The following TECPR2 variants were observed in gnomAD, a reference collection of about 807,000 sequenced individuals.
TECPR2 encodes tectonin beta-propeller repeat-containing protein 2.
A neutral mutation model predicts 138.1 loss-of-function variants in TECPR2; 65 were observed. That is an observed-to-expected ratio of 0.47 (90% CI 0.39 to 0.58). The LOEUF is 0.58. Ranked by LOEUF, TECPR2 falls within the 20% of genes least tolerant of loss-of-function variation. The pLI, the probability that TECPR2 is intolerant of heterozygous loss-of-function variation, is 0.00. For missense variants in TECPR2, 1,553 were observed against 1,824.5 expected (o/e 0.85, Z 2.71); for synonymous variants, 746 against 749.8 (o/e 0.99, Z 0.08).
intron 5 of TECPR2, 90 bp downstream of exon 5, chr14:102,414,883 A>G: frequency 2.0e-6 from 3 of 1,515,406 alleles, no homozygotes; most frequent in Non-Finnish European, 2.7e-6. Flanking sequence ...TGTTTGCCGG[A>G]GACCTCCTGT....
intron 1 of TECPR2, among the ~76,000 whole-genome samples, chr14:102,372,576 C>G (rs1887533798): frequency 6.6e-6 from 1 of 152,122 alleles, no homozygotes; most frequent in African/African-American, 2.4e-5. Context: ...CTTCTTTGTG[C>G]TTTTCTATAT....
chr14:102,463,440 G>C (rs1476678895), intron 16 of TECPR2, among the ~76,000 whole-genome samples: 175 of 132,098 alleles, frequency 1.3e-3, no homozygotes, highest in Non-Finnish European at 2.3e-3. Context: ...AAAAAAAAAA[G>C]AAAAAAACAA....
At position 102,497,626 on chromosome 14, in the gene TECPR2, A is replaced by G. The variant is rs1302573352; in HGVS notation, c.3988A>G (p.Asn1330Asp). ...CAGGACCGTGTGGGCCCGCTGTCCA[A>G]ACGGAGACCTCGCCCGGCGGTACGG... ...STRTVWARCP[N>D]GDLARRYGVT... Residue 1330 changes from asparagine to aspartate, a missense_variant, in exon 19 of 20, where the codon AAC becomes GAC. Coordinates refer to ENST00000359520, the MANE Select transcript of TECPR2 (RefSeq NM_014844.5). The G allele has an allele frequency of 6.2e-7, 1 of 1,609,754 alleles. No homozygotes were observed. Among genetic ancestry groups the G allele is most frequent in the Non-Finnish European group, 8.5e-7 (1 of 1,178,698 alleles).
At chr14:102,488,208 T>C (rs1170393404) in intron 17 of TECPR2, among the ~76,000 whole-genome samples, 4 of 151,966 alleles carry the variant, frequency 2.6e-5, no homozygotes, top group East Asian at 1.9e-4. Flanking sequence ...CTACTACTTT[T>C]TTTTTGTTTT....
In TECPR2 at chr14:102,420,019, T is replaced by C. The variant is rs1461800014; in HGVS notation, c.639-4960T>C. Among the ~76,000 whole-genome samples, 1 of 152,192 alleles carries C rather than the reference T, an allele frequency of 6.6e-6. No homozygotes were observed. The highest frequency in any genetic ancestry group is 2.4e-5 in the African/African-American group (1 of 41,442). The stretch of plus-strand genomic sequence containing the variant: ...GTTGAGATCTCTGGCAGGGCTTCTG[T>C]GGATCCTTCTTCTCACTCAGCTTAG... On this transcript the variant is annotated intron_variant, in intron 5 of 19. Transcript: ENST00000359520. The surrounding 1 kb of genome is among the most constrained non-coding windows in gnomAD (Gnocchi z 4.1).
chr14:102,491,237 A>C (rs931065033), intron 17 of TECPR2, among the ~76,000 whole-genome samples: 2 of 152,146 alleles, frequency 1.3e-5, no homozygotes, highest in Admixed American at 1.3e-4. Flanking sequence ...TTATTATTAC[A>C]GAGGGTCTTG....
At chr14:102,433,354 C>T (rs1006664240) in intron 8 of TECPR2, among the ~76,000 whole-genome samples, 3 of 151,444 alleles carry the variant, frequency 2.0e-5, no homozygotes, top group Admixed American at 1.3e-4. Flanking sequence ...ATGTTTATGT[C>T]CATGCGTGCT....
chr14:102,480,841 G>GTTTTTTTT lies in TECPR2; in HGVS notation c.3789+15568_3789+15575dup, dbSNP rs71119706. On this transcript the variant is annotated intron_variant, in intron 17 of 19. Coordinates refer to ENST00000359520, the MANE Select transcript of TECPR2 (RefSeq NM_014844.5). ...GGCCAGTTTTGTTTTTTGGTTTTGG[G>GTTTTTTTT]TTTTTTTTTTTTTTTTTTTTTTTGA... 3.6e-4 allele frequency among the ~76,000 whole-genome samples: 27 copies of GTTTTTTTT among 75,206 alleles called. 1 individual carries two copies. The highest frequency in any genetic ancestry group is 6.7e-4 in the South Asian group (1 of 1,492). The allele number at this position is 75,206 out of a possible 152,430, so 49.3% of individuals were successfully genotyped here. A position where few individuals can be genotyped will look rare whatever the true frequency, so the allele number is the denominator to read the frequency against.
intron 17 of TECPR2, among the ~76,000 whole-genome samples, chr14:102,487,904 C>T (rs1338242636): frequency 6.8e-6 from 1 of 147,754 alleles, no homozygotes; most frequent in Non-Finnish European, 1.5e-5. Context: ...TGCAATGGCG[C>T]GATCTCGGCT....
intron 16 of TECPR2, among the ~76,000 whole-genome samples, chr14:102,456,662 T>C (rs1265292356): frequency 6.7e-6 from 1 of 150,116 alleles, no homozygotes. Flanking sequence ...CAATCTCGGC[T>C]CCCTGCAAGC....
chr14:102,483,162 C>T (rs1390607569), intron 17 of TECPR2, among the ~76,000 whole-genome samples: 2 of 152,016 alleles, frequency 1.3e-5, no homozygotes, highest in African/African-American at 4.8e-5. Context: ...AGAAGCCGTT[C>T]TAACACCTGA....
Position 102,420,095 on chromosome 14 carries a change from G to A in TECPR2, c.639-4884G>A, listed in dbSNP as rs1889138398. Among the ~76,000 whole-genome samples, 1 of 152,158 alleles carries A rather than the reference G, an allele frequency of 6.6e-6. No homozygotes were observed. Among genetic ancestry groups the A allele is most frequent in the Non-Finnish European group, 1.5e-5 (1 of 68,030 alleles). ...TGTCAGCTTTCAGCGTATCAGCTCT[G>A]TGGCACCATACATTATGCACAAAAT... On this transcript the variant is annotated intron_variant, in intron 5 of 19. Transcript: ENST00000359520. The surrounding 1 kb of genome is among the most constrained non-coding windows in gnomAD (Gnocchi z 4.1).
intron 2 of TECPR2, among the ~76,000 whole-genome samples, chr14:102,405,548 T>C (rs560725150): frequency 1.6e-4 from 24 of 152,222 alleles, no homozygotes; most frequent in African/African-American, 4.8e-4. Flanking sequence ...ATGTGAGAAA[T>C]GGGAACCCTG....
chr14:102,377,368 C>A lies in TECPR2; in HGVS notation c.219+428C>A, dbSNP rs1887669021. Among the ~76,000 whole-genome samples, 3 of 152,148 alleles carry A rather than the reference C, an allele frequency of 2.0e-5. No homozygotes were observed. In the South Asian group the frequency reaches 6.2e-4, roughly 31 times the overall value. On this transcript the variant is annotated intron_variant, in intron 2 of 19. Coordinates refer to ENST00000359520, the MANE Select transcript of TECPR2 (RefSeq NM_014844.5). ...AGAGACATGGTTTCACTATGTTGCC[C>A]AGGCTGGTCTTGAACTCCTCGGCTC...
Position 102,498,450 on chromosome 14 carries a change from G to T in TECPR2, c.*193G>T. 1 of 745,384 alleles carries T rather than the reference G, an allele frequency of 1.3e-6. No homozygotes were observed. Among genetic ancestry groups the T allele is most frequent in the Admixed American group, 3.0e-5 (1 of 33,724 alleles). The allele number at this position is 745,384 out of a possible 1,614,324, so 46.2% of individuals were successfully genotyped here. ...AACCCACAGCCTCCACCCGTGGCTGGCGTGATTGCTGCAGCAGTGGCGCCT... is the reference window on the plus strand; with the variant it reads ...AACCCACAGCCTCCACCCGTGGCTGTCGTGATTGCTGCAGCAGTGGCGCCT... On this transcript the variant is annotated 3_prime_UTR_variant, in exon 20 of 20. Transcript: ENST00000359520.
chr14:102,457,869 C>CTTTTTTTTTTTTTTTTTTTTTTTTTTT (rs748372168), intron 16 of TECPR2, among the ~76,000 whole-genome samples: 2 of 102,772 alleles, frequency 1.9e-5, no homozygotes, highest in Admixed American at 1.1e-4. Flanking sequence ...ACTAAATTCC[C>CTTTTTTTTTTTTTTTTTTTTTTTTTTT]TTTTTTTTTT....
chr14:102,426,429 A>G (rs893735912), intron 6 of TECPR2, among the ~76,000 whole-genome samples: 1 of 151,556 alleles, frequency 6.6e-6, no homozygotes, highest in Non-Finnish European at 1.5e-5. Flanking sequence ...TCCCTGCCTT[A>G]CCCTCCCGAC....
chr14:102,386,228 G>T (rs1324638212), intron 2 of TECPR2, among the ~76,000 whole-genome samples: 1 of 152,050 alleles, frequency 6.6e-6, no homozygotes, highest in African/African-American at 2.4e-5. Context: ...CAGCACTTTG[G>T]TAGGCCGAGG....
In TECPR2 at chr14:102,376,702, A is replaced by C. The variant is rs2296145; in HGVS notation, c.-20A>C. The C allele has an allele frequency of 0.034, 54,743 of 1,608,772 alleles. 1,080 individuals carry two copies. Among genetic ancestry groups the C allele is most frequent in the Admixed American group, 0.056 (3,344 of 59,972 alleles). On this transcript the variant is annotated 5_prime_UTR_variant, in exon 2 of 20. Transcript: ENST00000359520. ...AACATTCCTTTTCCTGCGTGAAGAT[A>C]GTCTGTGGAAACCTTGGCCATGGCA... is the stretch of plus-strand genomic sequence containing the variant.
Sources: allele counts gnomAD v4.1 joint callset (sites outside exome capture counted in the v4.1 genomes callset), GRCh38; gene constraint gnomAD v4.1.1; non-coding constraint Gnocchi (gnomAD v3.1); transcripts MANE v1.5; gene names NCBI Gene and HGNC (gene_info 2026-07-23, HGNC 2026-07-21).